The following HSCB variants were observed in gnomAD, a reference collection of about 807,000 sequenced individuals.
HSCB encodes the protein HscB mitochondrial iron-sulfur cluster cochaperone, also known as iron-sulfur cluster co-chaperone protein HscB.
HSCB carries 23 observed loss-of-function variants against 31.3 expected under a neutral mutation model. The ratio of observed to expected loss-of-function variants is 0.74; its 90% CI spans 0.53 to 1.04. HSCB has a LOEUF of 1.04. Ranked by LOEUF, HSCB falls within the 50% of genes least tolerant of loss-of-function variation. HSCB has a pLI of 0.00. For synonymous variants in HSCB, 110 were observed against 104.5 expected (o/e 1.05, Z -0.32); for missense variants, 297 against 288.1 (o/e 1.03, Z -0.22).
intron 4 of HSCB, among the ~76,000 whole-genome samples, chr22:28,746,462 A>C (rs2054693287): frequency 6.6e-6 from 1 of 151,556 alleles, no homozygotes; most frequent in African/African-American, 2.4e-5. Context: ...TCTAAAATCT[A>C]TAGGGTAGGG....
intron 5 of HSCB, among the ~76,000 whole-genome samples, chr22:28,756,813 T>C (rs1052099965): frequency 6.6e-6 from 1 of 152,106 alleles, no homozygotes; most frequent in South Asian, 2.1e-4. Context: ...CATTTATTAC[T>C]TGGGACTGTC....
chr22:28,755,133 G>A (rs190855450), intron 5 of HSCB, among the ~76,000 whole-genome samples: 2,006 of 148,678 alleles, frequency 0.013, 50 homozygotes, highest in East Asian at 0.084. Context: ...TAAATAGGCC[G>A]GGCGCGGTGG....
chr22:28,752,209 C>T (rs1006853165), intron 5 of HSCB, among the ~76,000 whole-genome samples: 4 of 150,814 alleles, frequency 2.7e-5, no homozygotes, highest in East Asian at 2.0e-4. Flanking sequence ...TTTGGGAGGC[C>T]GAGGCGGGTG....
rs17884212 is a variant in HSCB at position 28,745,929 on chromosome 22, A to G, written c.489A>G (p.Ile163Met). The change falls in exon 4 of 6, where the codon ATA becomes ATG. Residue 163 changes from isoleucine to methionine, a missense_variant. Physicochemically the swap from Ile to Met is conservative, Grantham distance 10. Transcript: ENST00000216027. ...TDYEMDRQFLIEIMEINEKLA... is the reference protein window; with the variant it reads ...TDYEMDRQFLMEIMEINEKLA... ...ATGAAATGGACAGGCAATTCCTCAT[A>G]GAAATAATGGAAATCAATGAAAAAC... is the stretch of plus-strand genomic sequence containing the variant. 3.6e-3 allele frequency: 5,835 copies of G among 1,613,460 alleles called. 185 individuals are homozygous for G. In the African/African-American group the frequency reaches 0.07, roughly 19 times the overall value.
rs2054654197 is a variant in HSCB at position 28,744,659 on chromosome 22, T to TGCCTATAA, written c.380_387dup (p.Thr130ProfsTer9). 1 of 1,613,960 alleles carries TGCCTATAA rather than the reference T, an allele frequency of 6.2e-7. No individual in the cohort carries two copies. Among genetic ancestry groups the TGCCTATAA allele is most frequent in the Non-Finnish European group, 8.5e-7 (1 of 1,179,920 alleles). ...AGAAGCATTCGACCCTGGTGAATGA[T>TGCCTATAA]GCCTATAAGACCCTCCTGGCCCCCC... On this transcript the variant is annotated frameshift_variant, in exon 3 of 6. Coordinates refer to ENST00000216027, the MANE Select transcript of HSCB (RefSeq NM_172002.5). LOFTEE classifies it high-confidence loss of function.
At position 28,745,814 on chromosome 22, in the gene HSCB, C is replaced by T. The variant is rs537436194; in HGVS notation, c.424-50C>T. Reference sequence around the variant, plus strand: ...TAATGGATGAGTAGGATTTACATTACTCTGCCCATAGCTTCTTCAACTTAT... The same window carrying T: ...TAATGGATGAGTAGGATTTACATTATTCTGCCCATAGCTTCTTCAACTTAT... On this transcript the variant is annotated intron_variant, in intron 3 of 5. Transcript: ENST00000216027. 7.3e-6 allele frequency: 11 copies of T among 1,500,400 alleles called. No homozygotes were observed. In the East Asian group the frequency reaches 1.8e-4, roughly 25 times the overall value. The allele number at this position is 1,500,400 out of a possible 1,614,324, so 92.9% of individuals were successfully genotyped here.
At position 28,749,839 on chromosome 22, in the gene HSCB, G is replaced by A. The variant is rs192731150; in HGVS notation, c.569-1402G>A. 1.7e-3 allele frequency among the ~76,000 whole-genome samples: 264 copies of A among 152,210 alleles called. 1 individual carries two copies. The highest frequency in any genetic ancestry group is 0.014 in the Middle Eastern group (4 of 294). On this transcript the variant is annotated intron_variant, in intron 4 of 5. Coordinates refer to ENST00000216027, the MANE Select transcript of HSCB (RefSeq NM_172002.5). Reference sequence around the variant, plus strand: ...GAGGGCAGCGTGCTACTGACTTTGCGTGACCTTGAACAAATGACTTCATTC... The same window carrying A: ...GAGGGCAGCGTGCTACTGACTTTGCATGACCTTGAACAAATGACTTCATTC...
chr22:28,755,988 A>T (rs1401772111), intron 5 of HSCB, among the ~76,000 whole-genome samples: 2 of 151,886 alleles, frequency 1.3e-5, no homozygotes, highest in Non-Finnish European at 2.9e-5. Context: ...GCTCACACCT[A>T]TAATCCCAGC....
rs1441519527 is a variant in HSCB at position 28,742,047 on chromosome 22, T to A, written c.-49T>A. ...GCAACATTAGTCTGGTTAGACGCTC[T>A]CTTTGCTTTTCCCCACGAGTGACCA... On this transcript the variant is annotated 5_prime_UTR_variant, in exon 1 of 6. Transcript: ENST00000216027. 1 of 1,558,040 alleles carries A rather than the reference T, an allele frequency of 6.4e-7. No individual in the cohort carries two copies. The highest frequency in any genetic ancestry group is 1.4e-5 in the African/African-American group (1 of 73,766).
In HSCB at chr22:28,755,617, A is replaced by C. The variant is rs367704104; in HGVS notation, c.617-1461A>C. Among the ~76,000 whole-genome samples, 3 of 152,096 alleles carry C rather than the reference A, an allele frequency of 2.0e-5. No homozygotes were observed. In the South Asian group the frequency reaches 6.2e-4, roughly 31 times the overall value. On this transcript the variant is annotated intron_variant, in intron 5 of 5. Transcript: ENST00000216027. ...TTTAGTCTCACATATTTTTCTTTATATAAATAATACATATCCTTCTGTGAC... is the reference window on the plus strand; with the variant it reads ...TTTAGTCTCACATATTTTTCTTTATCTAAATAATACATATCCTTCTGTGAC...
chr22:28,750,717 G>A (rs535723116), intron 4 of HSCB, among the ~76,000 whole-genome samples: 2 of 152,106 alleles, frequency 1.3e-5, no homozygotes, highest in Admixed American at 6.6e-5. Context: ...ACAAGGAAAC[G>A]AGAAATATGA....
Position 28,746,025 on chromosome 22 carries a change from C to G in HSCB, c.568+17C>G. ...TTGTCAAAGGTGAAAGATAAAATAG[C>G]ACTGAATGTATTTCATTGCTGTTAT... On this transcript the variant is annotated intron_variant, in intron 4 of 5. Coordinates refer to ENST00000216027, the MANE Select transcript of HSCB (RefSeq NM_172002.5). The G allele has an allele frequency of 1.9e-6, 3 of 1,604,368 alleles. No homozygotes were observed. The highest frequency in any genetic ancestry group is 2.6e-6 in the Non-Finnish European group (3 of 1,175,216).
At chr22:28,750,603 C>A (rs896792857) in intron 4 of HSCB, among the ~76,000 whole-genome samples, 3 of 152,080 alleles carry the variant, frequency 2.0e-5, no homozygotes, top group African/African-American at 7.2e-5. Context: ...TCCTGCCTTA[C>A]GGATATAATG....
chr22:28,753,329 C>T (rs2030385014), intron 5 of HSCB, among the ~76,000 whole-genome samples: 1 of 140,682 alleles, frequency 7.1e-6, no homozygotes, highest in Non-Finnish European at 1.5e-5. Context: ...AGTTCGAGAC[C>T]TGCCTGGCCA....
rs545873819 is a variant in HSCB, at chr22:28,751,182, G to C, written c.569-59G>C. On this transcript the variant is annotated intron_variant, in intron 4 of 5. Transcript: ENST00000216027. ...AGCATGATTACAAAGTTTAAGTATTGTCTTCATATTATGAGTCTATTTCAA... is the reference window on the plus strand; with the variant it reads ...AGCATGATTACAAAGTTTAAGTATTCTCTTCATATTATGAGTCTATTTCAA... 4.8e-4 allele frequency: 486 copies of C among 1,015,346 alleles called. 8 individuals carry two copies. The South Asian group carries it at 6.7e-3, about 14-fold the overall frequency. The allele number at this position is 1,015,346 out of a possible 1,614,324, so 62.9% of individuals were successfully genotyped here.
chr22:28,744,689 C>A lies in HSCB; in HGVS notation c.408C>A (p.Ser136Arg). Residue 136 changes from serine (S) to arginine (R), a missense_variant, in exon 3 of 6, where the codon AGC (serine) becomes AGA (arginine). Coordinates refer to ENST00000216027, the MANE Select transcript of HSCB (RefSeq NM_172002.5). ...ATAAGACCCTCCTGGCCCCCCTGAG[C>A]AGAGGACTGTACCTTGTAAGGTGAT... ...DAYKTLLAPL[S>R]RGLYLLKLHG... 6.2e-7 allele frequency: 1 copy of A among 1,613,204 alleles called. No individual in the cohort carries two copies. The highest frequency in any genetic ancestry group is 8.5e-7 in the Non-Finnish European group (1 of 1,179,116).
At chr22:28,745,717 C>A in intron 3 of HSCB, 147 bp from the exon 4 acceptor site, 1 of 615,590 alleles carries the variant, frequency 1.6e-6, no homozygotes, top group Non-Finnish European at 2.7e-6. Context: ...TGTTTCAGTC[C>A]AAGCTTTTGA....
chr22:28,747,959 G>A (rs762590415), intron 4 of HSCB, among the ~76,000 whole-genome samples: 8 of 152,134 alleles, frequency 5.3e-5, no homozygotes, highest in Non-Finnish European at 1.2e-4. Context: ...GCCGAGGCAG[G>A]CAGATCACGA....
At chr22:28,753,862 G>A (rs1463954426) in intron 5 of HSCB, among the ~76,000 whole-genome samples, 3 of 145,686 alleles carry the variant, frequency 2.1e-5, no homozygotes, top group Non-Finnish European at 4.5e-5. Flanking sequence ...TTCTGACACA[G>A]GACCGGGCGC....
Sources: gnomAD v4.1 joint callset for allele counts (sites outside exome capture counted in the v4.1 genomes callset) on GRCh38, gnomAD v4.1.1 for gene constraint, MANE v1.5 for transcripts, NCBI Gene and HGNC (gene_info 2026-07-23, HGNC 2026-07-21) for gene names.